Variants in ZCWPW2 observed in about 807,000 individuals in gnomAD.
ZCWPW2 encodes zinc finger CW-type and PWWP domain containing 2.
In ZCWPW2, 45 loss-of-function variants were observed where a neutral mutation model predicts 46.6. The observed-to-expected ratio is 0.96, with a 90% CI of 0.76 to 1.24. The LOEUF is 1.24. Ranked by LOEUF, ZCWPW2 falls within the 50% of genes most tolerant of loss-of-function variation. ZCWPW2 has a pLI of 0.00. For missense variants in ZCWPW2, 429 were observed against 403.9 expected (o/e 1.06, Z -0.53); for synonymous variants, 152 against 137.1 (o/e 1.11, Z -0.76).
chr3:28,428,151 A>G (rs1326787849), intron 3 of ZCWPW2: 1 of 152,404 alleles, frequency 6.6e-6, no homozygotes, highest in African/African-American at 2.4e-5. Flanking sequence ...CAGCCTAATA[A>G]CAGTCGCCAA....
rs545288710 is a variant in ZCWPW2, at chr3:28,525,497, C to T, written c.*809C>T. Among the ~76,000 whole-genome samples, 15 of 112,588 alleles carry T rather than the reference C, an allele frequency of 1.3e-4. 1 individual carries two copies. The highest frequency in any genetic ancestry group is 4.8e-4 in the African/African-American group (15 of 31,222). The allele number at this position is 112,588 out of a possible 152,430, so 73.9% of individuals were successfully genotyped here. A position where few individuals can be genotyped will look rare whatever the true frequency, so the allele number is the denominator to read the frequency against. On this transcript the variant is annotated 3_prime_UTR_variant, in exon 10 of 10. Coordinates refer to ENST00000383768, the MANE Select transcript of ZCWPW2 (RefSeq NM_001040432.4). ...GGGCATTCACACCTATCTTTAGTTC[C>T]TGCTCTATCTCTTTCTGGTGGTACG...
chr3:28,393,218 G>A (rs1363477283), intron 2 of ZCWPW2, among the ~76,000 whole-genome samples: 1 of 152,018 alleles, frequency 6.6e-6, no homozygotes, highest in Non-Finnish European at 1.5e-5. Context: ...TAAATTCCTA[G>A]AATTATGTAA....
chr3:28,487,916 G>T (rs1451376740), intron 5 of ZCWPW2, among the ~76,000 whole-genome samples: 2 of 152,076 alleles, frequency 1.3e-5, no homozygotes, highest in African/African-American at 2.4e-5. Flanking sequence ...AGGTCAGGCT[G>T]GGGTTAGGCT....
chr3:28,460,543 A>G (rs901493285), intron 4 of ZCWPW2, among the ~76,000 whole-genome samples: 4 of 152,296 alleles, frequency 2.6e-5, no homozygotes, highest in African/African-American at 9.6e-5. Context: ...GGCAGATATT[A>G]TTAGAAAGCC....
chr3:28,476,893 T>C (rs977357530), intron 4 of ZCWPW2, among the ~76,000 whole-genome samples: 10 of 152,124 alleles, frequency 6.6e-5, no homozygotes, highest in Non-Finnish European at 1.2e-4. Context: ...CATGTTCCTA[T>C]GAGAGTCTAA....
intron 3 of ZCWPW2, among the ~76,000 whole-genome samples, chr3:28,430,387 TA>T (rs1697207649): frequency 6.6e-6 from 1 of 152,244 alleles, no homozygotes; most frequent in African/African-American, 2.4e-5. Flanking sequence ...TGAGTGTATT[TA>T]CACAATGCCT....
chr3:28,408,880 C>T (rs9310864), intron 2 of ZCWPW2, among the ~76,000 whole-genome samples: 76,889 of 151,820 alleles, frequency 0.51, 20,315 homozygotes, highest in South Asian at 0.64. Flanking sequence ...ATCTGAATCT[C>T]TTTTGGTACA....
At chr3:28,369,538 C>T (rs749385340) in intron 1 of ZCWPW2, among the ~76,000 whole-genome samples, 15 of 152,120 alleles carry the variant, frequency 9.9e-5, no homozygotes, top group Non-Finnish European at 1.9e-4. Context: ...GAGGAGTACC[C>T]GGCCATTGTG....
intron 1 of ZCWPW2, among the ~76,000 whole-genome samples, chr3:28,361,279 G>T (rs1375399296): frequency 6.6e-6 from 1 of 152,132 alleles, no homozygotes; most frequent in Non-Finnish European, 1.5e-5. Flanking sequence ...AATAGGTAAA[G>T]GATAGTCTCT....
intron 6 of ZCWPW2, among the ~76,000 whole-genome samples, chr3:28,497,348 T>G (rs1347892734): frequency 6.6e-6 from 1 of 151,996 alleles, no homozygotes; most frequent in Non-Finnish European, 1.5e-5. Context: ...TACTTTAGAT[T>G]AACAAATATA....
chr3:28,367,076 T>C (rs1461536297), intron 1 of ZCWPW2, among the ~76,000 whole-genome samples: 1 of 152,212 alleles, frequency 6.6e-6, no homozygotes, highest in African/African-American at 2.4e-5. Flanking sequence ...TCAATTTTGT[T>C]GATCTTTTTA....
At chr3:28,455,896 A>T (rs1028352727) in intron 4 of ZCWPW2, among the ~76,000 whole-genome samples, 12 of 152,166 alleles carry the variant, frequency 7.9e-5, no homozygotes, top group Non-Finnish European at 1.8e-4. Context: ...GCCCTGTAGT[A>T]TAATTTGAAG....
intron 4 of ZCWPW2, among the ~76,000 whole-genome samples, chr3:28,472,324 T>G (rs1174248893): frequency 1.3e-5 from 2 of 152,156 alleles, no homozygotes; most frequent in Non-Finnish European, 2.9e-5. Context: ...GACTTCAAAT[T>G]ATACTATAGA....
At chr3:28,483,299 T>C (rs1432050870) in intron 5 of ZCWPW2, among the ~76,000 whole-genome samples, 1 of 152,176 alleles carries the variant, frequency 6.6e-6, no homozygotes, top group Non-Finnish European at 1.5e-5. Flanking sequence ...TGACTATATT[T>C]ATGTGGGTCT....
At chr3:28,405,053 T>C (rs149557363) in intron 2 of ZCWPW2, among the ~76,000 whole-genome samples, 293 of 152,290 alleles carry the variant, frequency 1.9e-3, no homozygotes, top group African/African-American at 6.6e-3. Context: ...TTTGAACTCA[T>C]TTAGACATAT....
intron 6 of ZCWPW2, among the ~76,000 whole-genome samples, chr3:28,498,034 A>G (rs1376070811): frequency 6.6e-6 from 1 of 152,072 alleles, no homozygotes; most frequent in Non-Finnish European, 1.5e-5. Flanking sequence ...CAGCTCATTA[A>G]GTATCTGTAG....
intron 2 of ZCWPW2, among the ~76,000 whole-genome samples, chr3:28,392,015 T>C (rs1348252612): frequency 6.6e-6 from 1 of 152,170 alleles, no homozygotes; most frequent in Non-Finnish European, 1.5e-5. Flanking sequence ...GATCAAATTC[T>C]CCAATTAAAA....
At chr3:28,384,717 A>G (rs537485082) in intron 1 of ZCWPW2, among the ~76,000 whole-genome samples, 1 of 151,562 alleles carries the variant, frequency 6.6e-6, no homozygotes, top group South Asian at 2.1e-4. Flanking sequence ...GGTTCAAGCA[A>G]TTCTTCCGCC....
chr3:28,524,553 T>G lies in ZCWPW2; in HGVS notation c.936T>G (p.Pro312=). 6.2e-7 allele frequency: 1 copy of G among 1,605,988 alleles called. No homozygotes were observed. The highest frequency in any genetic ancestry group is 1.1e-5 in the South Asian group (1 of 88,758). Residue 312 remains proline, a synonymous_variant, in exon 10 of 10, where the codon CCT becomes CCG. Coordinates refer to ENST00000383768, the MANE Select transcript of ZCWPW2 (RefSeq NM_001040432.4). ...TATCTAAATGCAGCCCAGAAGCTCC[T>G]GCAGGCAGTCTGTTTGAAAACCACT... ...EKLSKCSPEA[P]AGSLFENHYE...
Sources: allele counts gnomAD v4.1 joint callset (sites outside exome capture counted in the v4.1 genomes callset), GRCh38; gene constraint gnomAD v4.1.1; transcripts MANE v1.5; gene names NCBI Gene and HGNC (gene_info 2026-07-23, HGNC 2026-07-21).